ZFYVE9: variants seen among roughly 807,000 people sequenced by gnomAD.
ZFYVE9 encodes the protein zinc finger FYVE-type containing 9, also known as zinc finger FYVE domain-containing protein 9.
A neutral mutation model predicts 126.7 loss-of-function variants in ZFYVE9; 43 were observed. The ratio of observed to expected loss-of-function variants is 0.34; its 90% CI spans 0.27 to 0.44. ZFYVE9 has a LOEUF of 0.44. Ranked by LOEUF, ZFYVE9 falls within the 20% of genes least tolerant of loss-of-function variation. The pLI, the probability that ZFYVE9 is intolerant of heterozygous loss-of-function variation, is 1.00. For missense variants in ZFYVE9, 1,476 were observed against 1,697.0 expected (o/e 0.87, Z 2.29); for synonymous variants, 521 against 597.4 (o/e 0.87, Z 1.87).
intron 13 of ZFYVE9, among the ~76,000 whole-genome samples, chr1:52,328,477 G>C (rs1646312265): frequency 6.6e-6 from 1 of 152,096 alleles, no homozygotes; most frequent in South Asian, 2.1e-4. Context: ...ATTATCTTAA[G>C]AGAAAATATA....
At chr1:52,221,510 C>T (rs895200072) in intron 2 of ZFYVE9, among the ~76,000 whole-genome samples, 3 of 152,174 alleles carry the variant, frequency 2.0e-5, no homozygotes, top group Non-Finnish European at 2.9e-5. Context: ...CATCTCTCTG[C>T]CTTCTGATTA....
intron 4 of ZFYVE9, among the ~76,000 whole-genome samples, chr1:52,244,326 A>T (rs1645363107): frequency 6.6e-6 from 1 of 152,186 alleles, no homozygotes; most frequent in Non-Finnish European, 1.5e-5. Context: ...CTAGAAAAGA[A>T]GTTTTAGGAG....
chr1:52,175,436 C>A (rs1225321124), intron 1 of ZFYVE9, among the ~76,000 whole-genome samples: 1 of 151,710 alleles, frequency 6.6e-6, no homozygotes, highest in African/African-American at 2.4e-5. Flanking sequence ...CTGCCCTTAA[C>A]ATTTTTTCCT....
chr1:52,334,713 C>T lies in ZFYVE9; in HGVS notation c.3615C>T (p.Phe1205=). Residue 1205 remains phenylalanine (F), a synonymous_variant, in exon 15 of 19, where the codon TTC becomes TTT. Transcript: ENST00000287727. ...RKVTGASFFV[F]SGALKSSSGY... The stretch of plus-strand genomic sequence containing the variant: ...TGACTGGTGCCAGTTTCTTTGTGTT[C>T]AGTGGCGCTCTGAAATCCTCTTCTG... The T allele has an allele frequency of 3.1e-6, 5 of 1,613,834 alleles. No homozygotes were observed. Among genetic ancestry groups the T allele is most frequent in the Non-Finnish European group, 4.2e-6 (5 of 1,179,876 alleles).
Position 52,238,205 on chromosome 1 carries a change from GT to G in ZFYVE9, c.791del (p.Leu264Ter). 6.2e-7 allele frequency: 1 copy of G among 1,614,086 alleles called. No individual in the cohort carries two copies. The highest frequency in any genetic ancestry group is 8.5e-7 in the Non-Finnish European group (1 of 1,179,964). ...GACCCCTCCATGTCTGCGATTACAA[GT>G]TTAACGGTTGATTCAGTAATCTCAT... is the stretch of plus-strand genomic sequence containing the variant. ...GRDPSMSAITSLTVDSVISSQ... is the reference protein window; with the variant it reads ...GRDPSMSAITXLTVDSVISSQ... On this transcript the variant is annotated frameshift_variant, in exon 4 of 19. Coordinates refer to ENST00000287727, the MANE Select transcript of ZFYVE9 (RefSeq NM_004799.4). LOFTEE classifies it high-confidence loss of function.
chr1:52,184,964 G>GGCA (rs1175463610), intron 1 of ZFYVE9, among the ~76,000 whole-genome samples: 3 of 152,070 alleles, frequency 2.0e-5, no homozygotes, highest in Admixed American at 2.0e-4. Context: ...GACCAGTCTG[G>GGCA]GCAGCATACT....
At chr1:52,269,767 CA>C (rs1435881252) in intron 7 of ZFYVE9, among the ~76,000 whole-genome samples, 1 of 151,710 alleles carries the variant, frequency 6.6e-6, no homozygotes, top group Non-Finnish European at 1.5e-5. Context: ...TTATTCCCCC[CA>C]ACTGTTTTTT....
At chr1:52,268,042 A>G (rs539888517) in intron 6 of ZFYVE9, among the ~76,000 whole-genome samples, 1 of 152,332 alleles carries the variant, frequency 6.6e-6, no homozygotes, top group East Asian at 1.9e-4. Flanking sequence ...ATATCACTTT[A>G]CCAGATGTTT....
intron 13 of ZFYVE9, among the ~76,000 whole-genome samples, chr1:52,314,760 C>T (rs962959417): frequency 2.0e-5 from 3 of 151,456 alleles, no homozygotes; most frequent in Admixed American, 6.6e-5. Flanking sequence ...TGCAGTGAGC[C>T]GAGATTGCAC....
intron 11 of ZFYVE9, 29 bp from the exon 12 acceptor site, chr1:52,295,866 T>A: frequency 6.3e-7 from 1 of 1,585,212 alleles, no homozygotes; most frequent in Non-Finnish European, 8.6e-7. Context: ...GTTGCCAAAT[T>A]TAAGTTTGAT....
chr1:52,249,096 T>C (rs1645418672), intron 4 of ZFYVE9, among the ~76,000 whole-genome samples: 1 of 152,212 alleles, frequency 6.6e-6, no homozygotes, highest in African/African-American at 2.4e-5. Flanking sequence ...CCCCTTTGCA[T>C]GCTCTGTCTC....
chr1:52,262,516 T>C (rs1645589303), intron 4 of ZFYVE9, among the ~76,000 whole-genome samples: 1 of 152,188 alleles, frequency 6.6e-6, no homozygotes, highest in African/African-American at 2.4e-5. Context: ...GATATCTCCC[T>C]ATATCACATT....
intron 1 of ZFYVE9, among the ~76,000 whole-genome samples, chr1:52,208,405 T>C (rs1271241774): frequency 1.3e-5 from 2 of 152,138 alleles, no homozygotes; most frequent in African/African-American, 4.8e-5. Context: ...TCTTTAAAGG[T>C]AAAATATCGA....
chr1:52,219,072 C>T (rs189357594), intron 2 of ZFYVE9, among the ~76,000 whole-genome samples: 138 of 151,948 alleles, frequency 9.1e-4, no homozygotes, highest in African/African-American at 3.2e-3. Flanking sequence ...TTTCGTGGTC[C>T]AGATAATATC....
chr1:52,238,292 A>G lies in ZFYVE9; in HGVS notation c.875A>G (p.Asp292Gly). The change falls in exon 4 of 19, where the codon GAC becomes GGC. Residue 292 changes from aspartate to glycine, a missense_variant. Transcript: ENST00000287727. The part of the protein sequence containing the change: ...KKQENYIPDE[D>G]LTGKISSPRT... ...CAAGAGAACTATATACCAGATGAGG[A>G]CCTCACTGGCAAAATCAGCTCTCCT... 1 of 1,613,932 alleles carries G rather than the reference A, an allele frequency of 6.2e-7. No individual in the cohort carries two copies. Among genetic ancestry groups the G allele is most frequent in the Non-Finnish European group, 8.5e-7 (1 of 1,179,974 alleles).
rs1162973754 is a variant in ZFYVE9, at chr1:52,272,671, A to ACCTTTT, written c.2626-1793_2626-1792insCCTTTT. On this transcript the variant is annotated intron_variant, in intron 7 of 18. Coordinates refer to ENST00000287727, the MANE Select transcript of ZFYVE9 (RefSeq NM_004799.4). The stretch of plus-strand genomic sequence containing the variant: ...GAATGAAATGAAGCTGCTAGAAATA[A>ACCTTTT]TCTTTTTTTTTTTTTTTTTTTTGAG... Among the ~76,000 whole-genome samples the ACCTTTT allele has an allele frequency of 3.2e-3, 433 of 134,656 alleles. 3 individuals carry two copies. Among genetic ancestry groups the ACCTTTT allele is most frequent in the South Asian group, 7.6e-3 (33 of 4,360 alleles). The allele number at this position is 134,656 out of a possible 152,430, so 88.3% of individuals were successfully genotyped here. A position where few individuals can be genotyped will look rare whatever the true frequency, so the allele number is the denominator to read the frequency against.
At chr1:52,193,967 G>A (rs936942037) in intron 1 of ZFYVE9, among the ~76,000 whole-genome samples, 1 of 152,048 alleles carries the variant, frequency 6.6e-6, no homozygotes, top group Non-Finnish European at 1.5e-5. Context: ...AGAATTCTAT[G>A]TGTACAATTA....
chr1:52,194,435 T>A (rs1263438457), intron 1 of ZFYVE9, among the ~76,000 whole-genome samples: 2 of 152,074 alleles, frequency 1.3e-5, no homozygotes, highest in East Asian at 3.8e-4. Context: ...ATGATACATA[T>A]AAGGAATATT....
At chr1:52,212,220 C>G (rs954615935) in intron 1 of ZFYVE9, among the ~76,000 whole-genome samples, 3 of 152,210 alleles carry the variant, frequency 2.0e-5, no homozygotes, top group Non-Finnish European at 2.9e-5. Context: ...TCACAGCTCA[C>G]TGCAACCTCC....
Sources: allele counts gnomAD v4.1 joint callset (sites outside exome capture counted in the v4.1 genomes callset), GRCh38; gene constraint gnomAD v4.1.1; transcripts MANE v1.5; gene names NCBI Gene and HGNC (gene_info 2026-07-23, HGNC 2026-07-21).